POU6F2: variants seen among roughly 807,000 people sequenced by gnomAD.
POU6F2 encodes the protein POU class 6 homeobox 2.
Under a neutral mutation model 71.3 loss-of-function variants are expected in POU6F2, and 31 were observed. The ratio of observed to expected loss-of-function variants is 0.43; its 90% CI spans 0.33 to 0.59. The LOEUF is 0.59. Among genes scored for constraint, POU6F2 ranks in the 20% least tolerant of loss-of-function variants. The pLI, the probability that POU6F2 is intolerant of heterozygous loss-of-function variation, is 0.04. For missense variants in POU6F2, 783 were observed against 856.8 expected, an observed-to-expected ratio of 0.91 and a Z score of 1.07; for synonymous variants, 347 against 355.7, an observed-to-expected ratio of 0.98 and a Z score of 0.27.
chr7:39,359,551 C>CT (rs375425068), intron 5 of POU6F2, among the ~76,000 whole-genome samples: 75 of 152,238 alleles, frequency 4.9e-4, no homozygotes, highest in Non-Finnish European at 7.8e-4. Context: ...ACATTGGAGG[C>CT]TTTAATTAAT....
chr7:39,408,725 G>T (rs1159862828), intron 6 of POU6F2, among the ~76,000 whole-genome samples: 1 of 152,226 alleles, frequency 6.6e-6, no homozygotes, highest in Non-Finnish European at 1.5e-5. Context: ...GCCCAATGGG[G>T]TCATGTCTTC....
intron 4 of POU6F2, among the ~76,000 whole-genome samples, chr7:39,315,985 T>C (rs549252828): frequency 2.2e-4 from 34 of 152,302 alleles, no homozygotes; most frequent in Non-Finnish European, 3.8e-4. Flanking sequence ...GAGAAGTTGG[T>C]TGGGAGCAGC....
At chr7:38,991,200 T>A (rs1053297810) in intron 1 of POU6F2, among the ~76,000 whole-genome samples, 6 of 152,136 alleles carry the variant, frequency 3.9e-5, no homozygotes, top group Non-Finnish European at 7.4e-5. Flanking sequence ...CCAATTATTA[T>A]TTATGTTTAG....
At chr7:39,280,123 C>T (rs1247801812) in intron 4 of POU6F2, among the ~76,000 whole-genome samples, 1 of 152,024 alleles carries the variant, frequency 6.6e-6, no homozygotes, top group Non-Finnish European at 1.5e-5. Flanking sequence ...GTGATTATCC[C>T]TGTAAAGACA....
intron 4 of POU6F2, among the ~76,000 whole-genome samples, chr7:39,245,257 G>A (rs1428090684): frequency 6.6e-6 from 1 of 152,196 alleles, no homozygotes; most frequent in Non-Finnish European, 1.5e-5. Flanking sequence ...TTATTCAAAA[G>A]TGAGCAGACA....
At chr7:39,126,076 C>A (rs1440831793) in intron 2 of POU6F2, among the ~76,000 whole-genome samples, 3 of 152,170 alleles carry the variant, frequency 2.0e-5, no homozygotes, top group Non-Finnish European at 4.4e-5. Context: ...TGATGCAATG[C>A]AAAGTGACAG....
chr7:39,453,893 G>A (rs1388090789), intron 8 of POU6F2, among the ~76,000 whole-genome samples: 1 of 152,182 alleles, frequency 6.6e-6, no homozygotes, highest in Non-Finnish European at 1.5e-5. Flanking sequence ...CACCAAGCTA[G>A]CTCCACAGTT....
chr7:39,137,374 C>G (rs1313084196), intron 2 of POU6F2, among the ~76,000 whole-genome samples: 1 of 152,060 alleles, frequency 6.6e-6, no homozygotes, highest in Non-Finnish European at 1.5e-5. Context: ...TACAGCACCT[C>G]CATACATTGG....
chr7:39,228,071 T>C (rs965757616), intron 4 of POU6F2, among the ~76,000 whole-genome samples: 1 of 152,196 alleles, frequency 6.6e-6, no homozygotes, highest in African/African-American at 2.4e-5. Context: ...AGCTTTTACA[T>C]TCTAGGAATA....
intron 6 of POU6F2, among the ~76,000 whole-genome samples, chr7:39,420,465 A>G (rs1383568558): frequency 6.6e-6 from 1 of 152,220 alleles, no homozygotes; most frequent in East Asian, 1.9e-4. Context: ...GCTCACATGG[A>G]GATAAGGCAG....
chr7:39,252,217 G>A (rs895213380), intron 4 of POU6F2, among the ~76,000 whole-genome samples: 9 of 151,982 alleles, frequency 5.9e-5, no homozygotes, highest in East Asian at 1.9e-4. Flanking sequence ...CATCACTGGC[G>A]TCTGGCCTGT....
At chr7:39,422,377 G>C (rs1787868581) in intron 6 of POU6F2, among the ~76,000 whole-genome samples, 1 of 152,172 alleles carries the variant, frequency 6.6e-6, no homozygotes, top group Non-Finnish European at 1.5e-5. Context: ...TAAGATGCTA[G>C]AAATGGAAAC....
chr7:39,232,162 A>G (rs759762575), intron 4 of POU6F2, among the ~76,000 whole-genome samples: 4 of 152,202 alleles, frequency 2.6e-5, no homozygotes, highest in Admixed American at 1.3e-4. Flanking sequence ...ATAAATATTC[A>G]ACAATTTTAG....
chr7:38,996,161 T>C (rs1788733705), intron 1 of POU6F2, among the ~76,000 whole-genome samples: 2 of 150,464 alleles, frequency 1.3e-5, no homozygotes, highest in South Asian at 4.3e-4. Flanking sequence ...TGTCTCAGCC[T>C]CCTGAGTAGC....
intron 4 of POU6F2, among the ~76,000 whole-genome samples, chr7:39,266,749 G>A (rs4273761): frequency 0.34 from 44,457 of 129,862 alleles, 7,596 homozygotes; most frequent in East Asian, 0.47. Context: ...TATTTATGGG[G>A]TACAATTTAA....
At chr7:39,030,571 C>T (rs1256312650) in intron 1 of POU6F2, among the ~76,000 whole-genome samples, 4 of 123,836 alleles carry the variant, frequency 3.2e-5, no homozygotes, top group South Asian at 2.7e-4. Context: ...TTCCATTGCC[C>T]GGATGTGTAA....
chr7:39,248,120 G>A lies in POU6F2; in HGVS notation c.598+40500G>A, dbSNP rs529071576. ...TTCCAGGAAAAAAAAAAGAAAGAAA[G>A]CACAGTGGCATTACTACTCTGGGAG... On this transcript the variant is annotated intron_variant, in intron 4 of 9. Transcript: ENST00000518318. 1.6e-3 allele frequency among the ~76,000 whole-genome samples: 239 copies of A among 152,154 alleles called. 1 individual carries two copies. Among genetic ancestry groups the A allele is most frequent in the African/African-American group, 5.4e-3 (225 of 41,520 alleles).
intron 4 of POU6F2, among the ~76,000 whole-genome samples, chr7:39,331,765 C>T (rs1785657957): frequency 6.6e-6 from 1 of 152,222 alleles, no homozygotes; most frequent in African/African-American, 2.4e-5. Flanking sequence ...GCCGCCTCGG[C>T]CTCCCAGAGT....
chr7:39,264,251 C>A (rs551135795), intron 4 of POU6F2, among the ~76,000 whole-genome samples: 13 of 152,292 alleles, frequency 8.5e-5, no homozygotes, highest in South Asian at 4.2e-4. Flanking sequence ...TGAGGCCTGG[C>A]ATACAGTAAG....
Sources: allele counts gnomAD v4.1 joint callset (sites outside exome capture counted in the v4.1 genomes callset), GRCh38; gene constraint gnomAD v4.1.1; transcripts MANE v1.5; gene names NCBI Gene and HGNC (gene_info 2026-07-23, HGNC 2026-07-21).